The following PDE4D variants were observed in gnomAD, a reference collection of about 807,000 sequenced individuals.
PDE4D encodes 3',5'-cyclic-AMP phosphodiesterase 4D.
In PDE4D, 24 loss-of-function variants were observed where a neutral mutation model predicts 87.4. The observed-to-expected ratio is 0.27, with a 90% CI of 0.20 to 0.39. The LOEUF is 0.39. Among genes scored for constraint, PDE4D ranks in the 10% least tolerant of loss-of-function variants. PDE4D has a pLI of 1.00. For missense variants in PDE4D, 714 were observed against 1,041.0 expected (o/e 0.69, Z 4.32); for synonymous variants, 384 against 383.2 (o/e 1.00, Z -0.02).
At chr5:59,834,457 T>C (rs1459358411) in intron 1 of PDE4D, among the ~76,000 whole-genome samples, 1 of 152,050 alleles carries the variant, frequency 6.6e-6, no homozygotes, top group African/African-American at 2.4e-5. Context: ...AATGAGATAA[T>C]TGTACAGGGA....
At chr5:59,313,789 TAA>T (rs1773157734) in intron 1 of PDE4D, among the ~76,000 whole-genome samples, 1 of 152,154 alleles carries the variant, frequency 6.6e-6, no homozygotes, top group Admixed American at 6.5e-5. Context: ...TATTAAAACC[TAA>T]AGTGATGGAT....
chr5:59,077,238 C>A (rs1323171480), intron 5 of PDE4D, among the ~76,000 whole-genome samples: 3 of 152,010 alleles, frequency 2.0e-5, no homozygotes, highest in Non-Finnish European at 4.4e-5. Flanking sequence ...AACAAAATAA[C>A]AAATATTAGG....
intron 1 of PDE4D, chr5:59,217,087 T>TAC (rs1751425238): frequency 2.5e-6 from 1 of 396,038 alleles, no homozygotes; most frequent in African/African-American, 2.1e-5. Context: ...GGAAAAAATC[T>TAC]ACACACACAG....
Position 58,975,877 on chromosome 5 carries a change from C to T in PDE4D, c.1831-38G>A. 1 of 1,251,960 alleles carries T rather than the reference C, an allele frequency of 8.0e-7. No homozygotes were observed. Among genetic ancestry groups the T allele is most frequent in the Non-Finnish European group, 1.0e-6 (1 of 975,630 alleles). 77.6% of individuals were successfully genotyped at this position (1,251,960 alleles called of 1,614,324 possible). A position where few individuals can be genotyped will look rare whatever the true frequency, so the allele number is the denominator to read the frequency against. On this transcript the variant is annotated intron_variant, in intron 13 of 14. Coordinates refer to ENST00000340635, the MANE Select transcript of PDE4D (RefSeq NM_001104631.2). The surrounding 1 kb of genome is among the most constrained non-coding windows in gnomAD (Gnocchi z 4.2). The stretch of plus-strand genomic sequence containing the variant: ...GATGCATTCTCTATTCACTCCTGTT[C>T]CTTTTTTTTAAAAAAAAAAACAAAA...
At chr5:59,525,708 G>A (rs1051832446) in intron 1 of PDE4D, among the ~76,000 whole-genome samples, 3 of 152,192 alleles carry the variant, frequency 2.0e-5, no homozygotes, top group Non-Finnish European at 2.9e-5. Flanking sequence ...TGTTTTGGGG[G>A]AGGGAACCTC....
intron 5 of PDE4D, among the ~76,000 whole-genome samples, chr5:59,124,781 T>C (rs1054772684): frequency 1.3e-5 from 2 of 152,194 alleles, no homozygotes; most frequent in Admixed American, 6.5e-5. Flanking sequence ...CCTAAATTTA[T>C]GGCAGAGGTT....
At chr5:59,091,158 G>A (rs1768655063) in intron 5 of PDE4D, 3 of 451,306 alleles carry the variant, frequency 6.6e-6, no homozygotes, top group Non-Finnish European at 1.3e-5. Flanking sequence ...GAAAATCCAA[G>A]TGTTTTTTAT....
upstream of PDE4D, among the ~76,000 whole-genome samples, chr5:60,492,246 C>T (rs1056116514): frequency 8.6e-5 from 13 of 151,794 alleles, no homozygotes; most frequent in African/African-American, 2.9e-4. Flanking sequence ...CTGAGCAACA[C>T]AGCAAGACCC....
At chr5:59,220,770 A>G (rs1435185713) in intron 1 of PDE4D, among the ~76,000 whole-genome samples, 1 of 135,002 alleles carries the variant, frequency 7.4e-6, no homozygotes, top group East Asian at 1.9e-4. Context: ...CTAACCTTAG[A>G]TGCTGGTATC....
intron 1 of PDE4D, among the ~76,000 whole-genome samples, chr5:60,297,269 G>A (rs1045769665): frequency 7.9e-5 from 12 of 152,106 alleles, no homozygotes; most frequent in Non-Finnish European, 4.4e-5. Context: ...TTCTTGGGTA[G>A]GGTTTGCCAA....
intron 1 of PDE4D, among the ~76,000 whole-genome samples, chr5:59,792,607 G>T (rs781058456): frequency 6.6e-6 from 1 of 152,172 alleles, no homozygotes; most frequent in African/African-American, 2.4e-5. Context: ...ACGCAAGGTG[G>T]TAAAAGCATG....
At chr5:59,037,798 T>C (rs1019215316) in intron 6 of PDE4D, among the ~76,000 whole-genome samples, 4 of 151,202 alleles carry the variant, frequency 2.6e-5, no homozygotes, top group Non-Finnish European at 4.4e-5. Context: ...TTGTAAAAAC[T>C]GCATGAGAAC....
At chr5:59,552,477 CCAAA>C (rs1161187823) in intron 1 of PDE4D, among the ~76,000 whole-genome samples, 11 of 152,112 alleles carry the variant, frequency 7.2e-5, no homozygotes, top group African/African-American at 1.9e-4. Flanking sequence ...ATACAACTTC[CCAAA>C]CAAATATTAC....
At chr5:60,135,294 G>A (rs976525231) in intron 2 of PDE4D, among the ~76,000 whole-genome samples, 2 of 152,118 alleles carry the variant, frequency 1.3e-5, no homozygotes, top group African/African-American at 4.8e-5. Flanking sequence ...CATAACTTTG[G>A]GAGATAAATT....
intron 1 of PDE4D, among the ~76,000 whole-genome samples, chr5:60,428,258 A>G (rs1440304614): frequency 1.3e-5 from 2 of 152,190 alleles, no homozygotes; most frequent in African/African-American, 2.4e-5. Context: ...TTAAATTAAA[A>G]AGGAAGATAA....
At chr5:59,672,742 C>T (rs1013453393) in intron 1 of PDE4D, among the ~76,000 whole-genome samples, 1 of 152,088 alleles carries the variant, frequency 6.6e-6, no homozygotes, top group Non-Finnish European at 1.5e-5. Context: ...AAAAATGATG[C>T]ATATGATCTT....
At chr5:59,789,106 G>T (rs1476589317) in intron 1 of PDE4D, among the ~76,000 whole-genome samples, 3 of 152,214 alleles carry the variant, frequency 2.0e-5, no homozygotes, top group Non-Finnish European at 1.5e-5. Context: ...AGATACTGAT[G>T]AATTCAGAAA....
At chr5:59,304,052 G>A (rs1433723837) in intron 1 of PDE4D, among the ~76,000 whole-genome samples, 2 of 151,922 alleles carry the variant, frequency 1.3e-5, no homozygotes, top group Non-Finnish European at 1.5e-5. Flanking sequence ...TGTTTGTATT[G>A]TCTATGATTC....
At chr5:59,077,476 T>TTC (rs768689232) in intron 5 of PDE4D, among the ~76,000 whole-genome samples, 432 of 23,402 alleles carry the variant, frequency 0.018, 3 homozygotes, top group African/African-American at 0.033. Flanking sequence ...TTTTTTCTTC[T>TTC]TTTTTTTTTT....
Sources: gnomAD v4.1 joint callset for allele counts (sites outside exome capture counted in the v4.1 genomes callset) on GRCh38, gnomAD v4.1.1 for gene constraint, Gnocchi (gnomAD v3.1) non-coding constraint, MANE v1.5 for transcripts, NCBI Gene and HGNC (gene_info 2026-07-23, HGNC 2026-07-21) for gene names.